The following BEND6 variants were observed in gnomAD, a reference collection of about 807,000 sequenced individuals.
BEND6 encodes the protein BEN domain containing 6, also known as BEN domain-containing protein 6.
Under a neutral mutation model 31.8 loss-of-function variants are expected in BEND6, and 24 were observed. That is an observed-to-expected ratio of 0.75 (90% confidence interval 0.55 to 1.06). BEND6 has a LOEUF of 1.06. Ranked by LOEUF, BEND6 falls within the 50% of genes least tolerant of loss-of-function variation. The pLI, the probability that BEND6 is intolerant of heterozygous loss-of-function variation, is 0.00. For synonymous variants in BEND6, 109 were observed against 114.6 expected, an observed-to-expected ratio of 0.95 and a Z score of 0.31; for missense variants, 294 against 327.4, an observed-to-expected ratio of 0.90 and a Z score of 0.79.
At chr6:56,978,326 G>T (rs1592983015) in intron 1 of BEND6, among the ~76,000 whole-genome samples, 1 of 151,372 alleles carries the variant, frequency 6.6e-6, no homozygotes. Context: ...AATGTGGAGG[G>T]TTTTTTTTGT....
rs373692582 is a variant in BEND6, at chr6:56,981,942, G to C, written c.120+12G>C. ...TGGATAAAGGACAGGTTGGTTTTTTGTTACCTTGACTCAACTTTGTTATCT... is the reference window on the plus strand; with the variant it reads ...TGGATAAAGGACAGGTTGGTTTTTTCTTACCTTGACTCAACTTTGTTATCT... On this transcript the variant is annotated intron_variant, in intron 2 of 6. Transcript: ENST00000370746. The C allele has an allele frequency of 1.3e-6, 2 of 1,598,804 alleles. No homozygotes were observed. Among genetic ancestry groups the C allele is most frequent in the Non-Finnish European group, 1.7e-6 (2 of 1,174,838 alleles).
intron 1 of BEND6, among the ~76,000 whole-genome samples, chr6:56,974,232 C>G (rs1304372096): frequency 6.6e-6 from 1 of 152,074 alleles, no homozygotes; most frequent in African/African-American, 2.4e-5. Flanking sequence ...GGAATTAAAG[C>G]AGATGGCCTG....
intron 3 of BEND6, chr6:57,014,665 A>T: frequency 1.6e-6 from 1 of 643,826 alleles, no homozygotes; most frequent in Non-Finnish European, 2.5e-6. Context: ...CTTGTAAACC[A>T]TACACGAAGG....
rs757532066 is a variant in BEND6 at position 57,018,529 on chromosome 6, A to G, written c.821A>G (p.Asn274Ser). ...AAGCCAAATTTAAGCAAAAATCTTA[A>G]CTCTCAGGATATTAAATAGATCCTT... ...TKKPNLSKNL[N>S]SQDIK is the part of the protein sequence containing the mutation. Residue 274 changes from asparagine (N) to serine (S), a missense_variant, in exon 6 of 7, where the codon AAC becomes AGC. By Grantham distance (46) the Asn-to-Ser change is conservative. Coordinates refer to ENST00000370746, the MANE Select transcript of BEND6 (RefSeq NM_152731.3). 1 of 1,568,168 alleles carries G rather than the reference A, an allele frequency of 6.4e-7. No homozygotes were observed. The highest frequency in any genetic ancestry group is 2.4e-5 in the East Asian group (1 of 42,194).
intron 3 of BEND6, among the ~76,000 whole-genome samples, chr6:56,999,875 A>G (rs1476371385): frequency 6.6e-6 from 1 of 152,056 alleles, no homozygotes; most frequent in East Asian, 1.9e-4. Context: ...CTGGCCGCCC[A>G]TTGTCTGGGA....
At chr6:56,990,722 C>T (rs934882047) in intron 2 of BEND6, among the ~76,000 whole-genome samples, 4 of 152,096 alleles carry the variant, frequency 2.6e-5, no homozygotes, top group Non-Finnish European at 4.4e-5. Context: ...AATTTTAAAA[C>T]CAATTTATTA....
intron 1 of BEND6, among the ~76,000 whole-genome samples, chr6:56,979,358 C>G (rs964268406): frequency 1.9e-4 from 29 of 151,856 alleles, no homozygotes; most frequent in African/African-American, 6.5e-4. Context: ...AATAAACATC[C>G]TAAAAATCAT....
At chr6:56,981,987 G>T in intron 2 of BEND6, 57 bp downstream of exon 2, 23 of 1,510,200 alleles carry the variant, frequency 1.5e-5, no homozygotes, top group East Asian at 7.3e-5. Flanking sequence ...ATAATTTCAT[G>T]GTTTCTTTCA....
intron 3 of BEND6, among the ~76,000 whole-genome samples, chr6:57,014,266 T>C (rs1179667758): frequency 6.6e-6 from 1 of 152,230 alleles, no homozygotes; most frequent in Non-Finnish European, 1.5e-5. Context: ...TTTAATATAG[T>C]ACCAGATATA....
chr6:56,991,233 A>G (rs1826486655), intron 2 of BEND6, among the ~76,000 whole-genome samples: 1 of 152,190 alleles, frequency 6.6e-6, no homozygotes, highest in African/African-American at 2.4e-5. Flanking sequence ...CTTCTTTCAT[A>G]AAGCTCTTGC....
At chr6:56,989,060 A>C (rs1006964347) in intron 2 of BEND6, among the ~76,000 whole-genome samples, 2 of 151,226 alleles carry the variant, frequency 1.3e-5, no homozygotes, top group East Asian at 3.9e-4. Context: ...AAATAATAAC[A>C]ATAATAGTTT....
At chr6:56,959,206 C>T (rs984678029) in intron 1 of BEND6, among the ~76,000 whole-genome samples, 14 of 152,174 alleles carry the variant, frequency 9.2e-5, no homozygotes, top group Admixed American at 1.3e-4. Flanking sequence ...GCTTTAGACT[C>T]TGCAGAGTGA....
At chr6:57,002,677 TATAAC>T (rs1166405850) in intron 3 of BEND6, among the ~76,000 whole-genome samples, 2 of 151,804 alleles carry the variant, frequency 1.3e-5, no homozygotes, top group African/African-American at 2.4e-5. Flanking sequence ...AATATAGAAA[TATAAC>T]ATACCAAAAT....
chr6:57,008,175 T>G (rs1593018029), intron 3 of BEND6: 1 of 702,944 alleles, frequency 1.4e-6, no homozygotes, highest in Non-Finnish European at 2.6e-6. Context: ...CTTATCTCCT[T>G]TACAGCTTGG....
intron 1 of BEND6, among the ~76,000 whole-genome samples, chr6:56,962,593 C>G (rs904363580): frequency 5.9e-5 from 9 of 152,220 alleles, no homozygotes; most frequent in Non-Finnish European, 8.8e-5. Flanking sequence ...CTCAGACCCC[C>G]CTCTGGGCCT....
chr6:56,989,111 C>T (rs1826396128), intron 2 of BEND6, among the ~76,000 whole-genome samples: 1 of 150,338 alleles, frequency 6.7e-6, no homozygotes, highest in Admixed American at 6.6e-5. Context: ...TCTCATTATA[C>T]ATTTCTATAT....
intron 3 of BEND6, among the ~76,000 whole-genome samples, chr6:56,998,228 G>A (rs1369939984): frequency 1.3e-5 from 2 of 152,132 alleles, no homozygotes. Context: ...TAAGAAAGGG[G>A]TCTAAGGGAA....
chr6:57,016,297 T>C (rs1027761538), intron 4 of BEND6, among the ~76,000 whole-genome samples: 5 of 152,360 alleles, frequency 3.3e-5, no homozygotes, highest in African/African-American at 1.2e-4. Flanking sequence ...TCTTAGTGTA[T>C]CAGTTACCTA....
chr6:57,015,824 A>T (rs1277080873), intron 4 of BEND6, among the ~76,000 whole-genome samples: 4 of 151,634 alleles, frequency 2.6e-5, no homozygotes, highest in Admixed American at 2.6e-4. Context: ...AAAAAAAAAA[A>T]AAAGAAGAGG....
Sources: allele counts gnomAD v4.1 joint callset (sites outside exome capture counted in the v4.1 genomes callset), GRCh38; gene constraint gnomAD v4.1.1; transcripts MANE v1.5; gene names NCBI Gene and HGNC (gene_info 2026-07-23, HGNC 2026-07-21).